CERS4: variants seen among roughly 807,000 people sequenced by gnomAD.
The protein encoded by CERS4 is LAG1 homolog, ceramide synthase 4.
CERS4 carries 65 observed loss-of-function variants against 51.8 expected under a neutral mutation model. That is an observed-to-expected ratio of 1.26 (90% CI 1.03 to 1.54). CERS4 has a LOEUF of 1.54. Ranked by LOEUF, CERS4 falls within the 40% of genes most tolerant of loss-of-function variation. CERS4 has a pLI of 0.00. For synonymous variants in CERS4, 228 were observed against 208.4 expected (o/e 1.09, Z -0.81); for missense variants, 563 against 500.4 (o/e 1.13, Z -1.19).
At chr19:8,253,017 T>G (rs1348270934) in intron 3 of CERS4, among the ~76,000 whole-genome samples, 1 of 152,228 alleles carries the variant, frequency 6.6e-6, no homozygotes, top group Non-Finnish European at 1.5e-5. Flanking sequence ...CTTGGCCCCA[T>G]GCTTAGCAGA....
intron 2 of CERS4, among the ~76,000 whole-genome samples, chr19:8,228,718 T>C (rs898629302): frequency 4.0e-5 from 2 of 49,776 alleles, no homozygotes; most frequent in Admixed American, 3.5e-4. Flanking sequence ...TTAAACCCAC[T>C]CCTTATAAAA....
At chr19:8,246,209 G>A (rs1220697000) in intron 2 of CERS4, among the ~76,000 whole-genome samples, 1 of 152,120 alleles carries the variant, frequency 6.6e-6, no homozygotes, top group Non-Finnish European at 1.5e-5. Flanking sequence ...TTTGTGATAG[G>A]AGACTGGATT....
rs557039979 is a variant in CERS4, at chr19:8,251,139, G to C, written c.63G>C (p.Thr21=). ...QDRFWLPPNV[T]WTELEDRDGR... is the part of the protein sequence containing the mutation. Reference sequence around the variant, plus strand: ...GGTTCTGGTTACCACCCAATGTCACGTGGACAGAGCTAGAAGACCGGGATG... The same window carrying C: ...GGTTCTGGTTACCACCCAATGTCACCTGGACAGAGCTAGAAGACCGGGATG... Residue 21 remains threonine (T), a synonymous_variant, in exon 3 of 12, where the codon ACG becomes ACC. Transcript: ENST00000251363. 2 of 1,612,900 alleles carry C rather than the reference G, an allele frequency of 1.2e-6. No individual in the cohort carries two copies. The highest frequency in any genetic ancestry group is 1.7e-6 in the Non-Finnish European group (2 of 1,179,594).
At chr19:8,231,826 A>G (rs1414593776) in intron 2 of CERS4, among the ~76,000 whole-genome samples, 3 of 141,620 alleles carry the variant, frequency 2.1e-5, no homozygotes, top group African/African-American at 8.1e-5. Flanking sequence ...TTCTGGGATT[A>G]CAAGCATGAG....
intron 6 of CERS4, 83 bp downstream of exon 6, chr19:8,255,962 T>C (rs886166547): frequency 1.4e-6 from 2 of 1,452,646 alleles, no homozygotes; most frequent in African/African-American, 2.8e-5. Context: ...TGTGGAGTGG[T>C]GCAGCCAGAG....
At chr19:8,216,593 T>C (rs917825325) in intron 2 of CERS4, among the ~76,000 whole-genome samples, 14 of 151,948 alleles carry the variant, frequency 9.2e-5, no homozygotes, top group African/African-American at 2.7e-4. Flanking sequence ...CTGGGCAACA[T>C]AGCAAGACCC....
intron 2 of CERS4, among the ~76,000 whole-genome samples, chr19:8,244,399 A>G (rs1568522481): frequency 6.6e-6 from 1 of 152,188 alleles, no homozygotes; most frequent in Admixed American, 6.5e-5. Flanking sequence ...AGTATATACT[A>G]TATTATTAAC....
intron 3 of CERS4, among the ~76,000 whole-genome samples, chr19:8,252,546 C>G (rs1230397789): frequency 6.6e-6 from 1 of 151,940 alleles, no homozygotes; most frequent in Non-Finnish European, 1.5e-5. Flanking sequence ...TCAAGCGACT[C>G]TCCTATCTCA....
intron 2 of CERS4, chr19:8,240,576 A>T (rs896231376): frequency 3.7e-5 from 3 of 80,918 alleles, no homozygotes; most frequent in African/African-American, 2.1e-4. Context: ...GAGTGAGTCA[A>T]TGTATGCAAG....
At chr19:8,248,332 T>C (rs183991608) in intron 2 of CERS4, among the ~76,000 whole-genome samples, 2 of 152,142 alleles carry the variant, frequency 1.3e-5, no homozygotes, top group East Asian at 1.9e-4. Flanking sequence ...GACAGACGGA[T>C]AGATGCAACG....
chr19:8,222,766 G>A (rs1967618585), intron 2 of CERS4, among the ~76,000 whole-genome samples: 1 of 152,080 alleles, frequency 6.6e-6, no homozygotes, highest in Admixed American at 6.6e-5. Flanking sequence ...CCAAAATGCT[G>A]AGATTACAGG....
intron 3 of CERS4, 26 bp from the exon 4 acceptor site, chr19:8,254,473 A>C (rs752743450): frequency 8.7e-6 from 14 of 1,609,080 alleles, no homozygotes; most frequent in Non-Finnish European, 1.2e-5. Context: ...ACCTGGGCTG[A>C]TAGGCTCTGT....
chr19:8,227,433 C>T (rs1967833479), intron 2 of CERS4, among the ~76,000 whole-genome samples: 1 of 151,706 alleles, frequency 6.6e-6, no homozygotes, highest in Non-Finnish European at 1.5e-5. Flanking sequence ...GATCTTGGCT[C>T]AAGCAATTCT....
chr19:8,261,665 T>A, intron 10 of CERS4, 23 bp from the exon 11 acceptor site: 1 of 1,613,328 alleles, frequency 6.2e-7, no homozygotes, highest in Non-Finnish European at 8.5e-7. Context: ...AACCCCAGCC[T>A]CCTCCTCTCC....
chr19:8,252,052 C>G (rs373944269), intron 3 of CERS4, among the ~76,000 whole-genome samples: 6 of 130,738 alleles, frequency 4.6e-5, no homozygotes, highest in Non-Finnish European at 9.7e-5. Flanking sequence ...CATGGTGAAA[C>G]CTCATCTCTA....
chr19:8,245,699 C>G (rs1364496434), intron 2 of CERS4, among the ~76,000 whole-genome samples: 1 of 151,718 alleles, frequency 6.6e-6, no homozygotes, highest in African/African-American at 2.4e-5. Flanking sequence ...ACCACCACCC[C>G]TGGCTAATTT....
intron 2 of CERS4, among the ~76,000 whole-genome samples, chr19:8,244,329 C>T (rs1299224244): frequency 6.6e-6 from 1 of 152,202 alleles, no homozygotes; most frequent in Non-Finnish European, 1.5e-5. Flanking sequence ...GCATTCCAGC[C>T]TGGAAGACAG....
In CERS4 at chr19:8,251,105, G is replaced by C; in HGVS notation, c.29G>C (p.Trp10Ser). The C allele has an allele frequency of 6.2e-7, 1 of 1,608,136 alleles. No individual in the cohort carries two copies. The highest frequency in any genetic ancestry group is 8.5e-7 in the Non-Finnish European group (1 of 1,177,688). MLSSFNEWF[W>S]QDRFWLPPNV... ...CTGTCCAGTTTCAACGAGTGGTTTT[G>C]GCAGGACAGGTTCTGGTTACCACCC... The change falls in exon 3 of 12, where the codon TGG becomes TCG. Residue 10 changes from tryptophan (W) to serine (S), a missense_variant. Transcript: ENST00000251363.
chr19:8,259,739 G>A (rs894721334), intron 10 of CERS4, among the ~76,000 whole-genome samples: 2 of 152,152 alleles, frequency 1.3e-5, no homozygotes, highest in Non-Finnish European at 2.9e-5. Flanking sequence ...AGAAGGCAGT[G>A]GGCATGCCAG....
Sources: gnomAD v4.1 joint callset for allele counts (sites outside exome capture counted in the v4.1 genomes callset) on GRCh38, gnomAD v4.1.1 for gene constraint, MANE v1.5 for transcripts, NCBI Gene and HGNC (gene_info 2026-07-23, HGNC 2026-07-21) for gene names.